The following NAALADL2 variants were observed in gnomAD, a reference collection of about 807,000 sequenced individuals.
NAALADL2 encodes N-acetylated alpha-linked acidic dipeptidase like 2.
In NAALADL2, 76 loss-of-function variants were observed where a neutral mutation model predicts 87.2. The ratio of observed to expected loss-of-function variants is 0.87; its 90% CI spans 0.72 to 1.05. The LOEUF is 1.05. Among genes scored for constraint, NAALADL2 ranks in the 50% least tolerant of loss-of-function variants. NAALADL2 has a pLI of 0.00. For missense variants in NAALADL2, 1,089 were observed against 945.8 expected (o/e 1.15, Z -1.99); for synonymous variants, 354 against 331.0 (o/e 1.07, Z -0.75).
chr3:174,810,836 T>C (rs765384184), intron 3 of NAALADL2, among the ~76,000 whole-genome samples: 9 of 152,130 alleles, frequency 5.9e-5, no homozygotes, highest in Non-Finnish European at 1.3e-4. Context: ...ACTTCATGGC[T>C]ACTCCCCCCA....
intron 9 of NAALADL2, among the ~76,000 whole-genome samples, chr3:175,573,077 A>G (rs1006660866): frequency 1.3e-5 from 2 of 152,188 alleles, no homozygotes; most frequent in Non-Finnish European, 2.9e-5. Context: ...TGCAATGTTT[A>G]TTTTTTAAAA....
intron 2 of NAALADL2, among the ~76,000 whole-genome samples, chr3:174,717,044 A>C (rs1465767868): frequency 6.6e-6 from 1 of 152,126 alleles, no homozygotes; most frequent in Admixed American, 6.5e-5. Context: ...ACTTCAGTAC[A>C]TTTGTTTTTG....
chr3:175,557,686 T>C (rs923094472), intron 9 of NAALADL2, among the ~76,000 whole-genome samples: 4 of 152,168 alleles, frequency 2.6e-5, no homozygotes, highest in African/African-American at 9.7e-5. Context: ...TTATTTCACA[T>C]GACACAGTGA....
At chr3:174,850,429 A>C (rs1663751234) in intron 3 of NAALADL2, among the ~76,000 whole-genome samples, 1 of 152,188 alleles carries the variant, frequency 6.6e-6, no homozygotes, top group South Asian at 2.1e-4. Context: ...AGGGATAGAA[A>C]ATATATTCAA....
intron 1 of NAALADL2, among the ~76,000 whole-genome samples, chr3:174,861,480 T>C (rs1385905894): frequency 6.6e-6 from 1 of 152,108 alleles, no homozygotes; most frequent in African/African-American, 2.4e-5. Flanking sequence ...TTAATGACAT[T>C]TATAAAAAAT....
chr3:175,315,191 C>G (rs1758980694), intron 4 of NAALADL2, among the ~76,000 whole-genome samples: 1 of 152,140 alleles, frequency 6.6e-6, no homozygotes. Flanking sequence ...AGGACTATTT[C>G]TCAGTTGCTA....
intron 2 of NAALADL2, among the ~76,000 whole-genome samples, chr3:174,709,357 G>A (rs1469103335): frequency 6.6e-6 from 1 of 152,042 alleles, no homozygotes; most frequent in African/African-American, 2.4e-5. Context: ...TCCACTGCTA[G>A]CTCTTAATTC....
intron 3 of NAALADL2, among the ~76,000 whole-genome samples, chr3:174,791,792 A>G (rs1277257553): frequency 6.6e-6 from 1 of 152,208 alleles, no homozygotes; most frequent in Admixed American, 6.5e-5. Flanking sequence ...ATGATTAATC[A>G]GTAGCCTTGA....
At chr3:175,769,756 G>T (rs1749232458) in intron 13 of NAALADL2, among the ~76,000 whole-genome samples, 1 of 152,030 alleles carries the variant, frequency 6.6e-6, no homozygotes, top group African/African-American at 2.4e-5. Flanking sequence ...GTATGTCTCT[G>T]TGTGTGTCTG....
intron 1 of NAALADL2, among the ~76,000 whole-genome samples, chr3:174,961,041 A>AATATAT (rs145962467): frequency 2.0e-5 from 3 of 146,622 alleles, no homozygotes; most frequent in South Asian, 4.3e-4. Flanking sequence ...TGTTTCTAAA[A>AATATAT]ATATATATAT....
chr3:174,748,074 C>T (rs1476803306), intron 3 of NAALADL2, among the ~76,000 whole-genome samples: 4 of 152,080 alleles, frequency 2.6e-5, no homozygotes, highest in Non-Finnish European at 2.9e-5. Context: ...GAAAACCAAA[C>T]ACCACATGTT....
At chr3:174,635,149 A>G (rs1051186235) in intron 2 of NAALADL2, among the ~76,000 whole-genome samples, 3 of 152,194 alleles carry the variant, frequency 2.0e-5, no homozygotes, top group Non-Finnish European at 4.4e-5. Context: ...TTCTCATTTT[A>G]AGCCCAATGC....
chr3:175,295,204 G>A (rs989676016), intron 4 of NAALADL2, among the ~76,000 whole-genome samples: 6 of 152,152 alleles, frequency 3.9e-5, no homozygotes, highest in African/African-American at 1.4e-4. Context: ...TGCAGGCCCT[G>A]TATGTTCAAA....
At chr3:175,649,659 A>C (rs1219603736) in intron 11 of NAALADL2, among the ~76,000 whole-genome samples, 2 of 152,096 alleles carry the variant, frequency 1.3e-5, no homozygotes, top group Admixed American at 1.3e-4. Flanking sequence ...AGAGAGTCCA[A>C]GCTCTCTGGT....
chr3:174,728,121 C>T (rs1454631583), intron 2 of NAALADL2, among the ~76,000 whole-genome samples: 1 of 151,946 alleles, frequency 6.6e-6, no homozygotes, highest in African/African-American at 2.4e-5. Context: ...ACATTCACCT[C>T]TAGGACATCT....
At chr3:175,408,885 G>A (rs1305538809) in intron 5 of NAALADL2, among the ~76,000 whole-genome samples, 1 of 151,936 alleles carries the variant, frequency 6.6e-6, no homozygotes, top group Non-Finnish European at 1.5e-5. Flanking sequence ...AAATTGAAGT[G>A]AATGGATTGC....
chr3:175,699,427 C>T (rs1200812793), intron 11 of NAALADL2, among the ~76,000 whole-genome samples: 1 of 151,964 alleles, frequency 6.6e-6, no homozygotes, highest in Non-Finnish European at 1.5e-5. Context: ...ATGAAACATG[C>T]ACTAGATCTT....
intron 13 of NAALADL2, among the ~76,000 whole-genome samples, chr3:175,766,936 A>G (rs866460463): frequency 3.3e-5 from 5 of 152,194 alleles, no homozygotes; most frequent in Admixed American, 6.5e-5. Flanking sequence ...GAGCAAGTAT[A>G]GCATATTGAG....
At chr3:175,386,677 A>T (rs1336987604) in intron 5 of NAALADL2, among the ~76,000 whole-genome samples, 3 of 152,140 alleles carry the variant, frequency 2.0e-5, no homozygotes, top group African/African-American at 7.2e-5. Context: ...CATAAATTTC[A>T]AATTGCCCAC....
Sources: allele counts gnomAD v4.1 joint callset (sites outside exome capture counted in the v4.1 genomes callset), GRCh38; gene constraint gnomAD v4.1.1; transcripts MANE v1.5; gene names NCBI Gene and HGNC (gene_info 2026-07-23, HGNC 2026-07-21).